CLMP: variants seen among roughly 807,000 people sequenced by gnomAD.
CLMP encodes the protein CXADR like cell adhesion molecule.
CLMP carries 27 observed loss-of-function variants against 45.2 expected under a neutral mutation model. The ratio of observed to expected loss-of-function variants is 0.60; its 90% CI spans 0.44 to 0.82. The LOEUF is 0.82. Among genes scored for constraint, CLMP ranks in the 40% least tolerant of loss-of-function variants. The probability of loss-of-function intolerance (pLI) is 0.00; values close to 1 mark genes in which losing one functional copy is unlikely to be tolerated. For missense variants in CLMP, 403 were observed against 448.4 expected (o/e 0.90, Z 0.91); for synonymous variants, 167 against 171.4 (o/e 0.97, Z 0.20).
intron 1 of CLMP, among the ~76,000 whole-genome samples, chr11:123,137,177 G>T (rs1591473193): frequency 2.2e-5 from 2 of 92,990 alleles, no homozygotes; most frequent in African/African-American, 4.1e-5. Context: ...TTTTTGAGAT[G>T]GAGTCTCGCT....
intron 1 of CLMP, among the ~76,000 whole-genome samples, chr11:123,182,216 G>A (rs1591489377): frequency 6.6e-6 from 1 of 152,326 alleles, no homozygotes. Flanking sequence ...TCTGACCCAA[G>A]TTTGCTTTGA....
intron 5 of CLMP, among the ~76,000 whole-genome samples, chr11:123,077,674 T>C (rs1419937156): frequency 6.6e-6 from 1 of 152,188 alleles, no homozygotes; most frequent in Non-Finnish European, 1.5e-5. Flanking sequence ...TTATTTAAGG[T>C]CTCAAAGGAA....
intron 1 of CLMP, among the ~76,000 whole-genome samples, chr11:123,138,934 G>A (rs1861115558): frequency 6.6e-6 from 1 of 152,116 alleles, no homozygotes; most frequent in South Asian, 2.1e-4. Flanking sequence ...GTATTACAGG[G>A]CGTGAGCCAC....
chr11:123,146,733 G>T (rs1861244305), intron 1 of CLMP, among the ~76,000 whole-genome samples: 1 of 151,950 alleles, frequency 6.6e-6, no homozygotes, highest in African/African-American at 2.4e-5. Flanking sequence ...TGGTATCATT[G>T]TCACCCCCAG....
At position 123,130,694 on chromosome 11, in the gene CLMP, G is replaced by T. The variant is rs577119851; in HGVS notation, c.29-32742C>A. On this transcript the variant is annotated intron_variant, in intron 1 of 6. Transcript: ENST00000448775. ...GGGTGAGGGTTGAGCTGTGGAAAAG[G>T]GTTGGGGAAAAAAAAGTAGTTCAGG... Among the ~76,000 whole-genome samples the T allele has an allele frequency of 4.4e-4, 65 of 146,210 alleles. 2 individuals carry two copies. The South Asian group carries it at 0.014, about 31-fold the overall frequency.
At position 123,105,073 on chromosome 11, in the gene CLMP, T is replaced by C. The variant is rs556272090; in HGVS notation, c.29-7121A>G. Among the ~76,000 whole-genome samples, 24 of 152,328 alleles carry C rather than the reference T, an allele frequency of 1.6e-4. No individual in the cohort carries two copies. The South Asian group carries it at 4.8e-3, about 30-fold the overall frequency. ...CAAGCTCTCCCTAAGTGGGAGCTTT[T>C]GCATGCACCTCAGGCACTTATCAAA... On this transcript the variant is annotated intron_variant, in intron 1 of 6. Transcript: ENST00000448775.
chr11:123,118,568 C>G (rs1860748337), intron 1 of CLMP, among the ~76,000 whole-genome samples: 1 of 152,182 alleles, frequency 6.6e-6, no homozygotes, highest in Non-Finnish European at 1.5e-5. Flanking sequence ...CAATTAAAAA[C>G]CTGGACCTCG....
chr11:123,101,348 C>T (rs2135483084), intron 1 of CLMP, among the ~76,000 whole-genome samples: 1 of 152,328 alleles, frequency 6.6e-6, no homozygotes, highest in East Asian at 1.9e-4. Context: ...CTCAGGTGAT[C>T]CGCCTGCCTC....
Position 123,084,680 on chromosome 11 carries a change from T to A in CLMP, c.220A>T (p.Asn74Tyr). The A allele has an allele frequency of 1.2e-6, 2 of 1,614,202 alleles. No individual in the cohort carries two copies. The highest frequency in any genetic ancestry group is 8.5e-7 in the Non-Finnish European group (1 of 1,180,036). ...CGGCCCTTCTGTTCCTCAGTCAAGTTATTGTAGACATGACGACTGGAGTAA... is the reference window on the plus strand; with the variant it reads ...CGGCCCTTCTGTTCCTCAGTCAAGTAATTGTAGACATGACGACTGGAGTAA... ...ITYSSRHVYN[N>Y]LTEEQKGRVA... Residue 74 changes from asparagine to tyrosine, a missense_variant, in exon 3 of 7, where the codon AAC (asparagine) becomes TAC (tyrosine). By Grantham distance (143) the Asn-to-Tyr change is moderately radical. Coordinates refer to ENST00000448775, the MANE Select transcript of CLMP (RefSeq NM_024769.5).
At chr11:123,118,742 T>C (rs533778438) in intron 1 of CLMP, among the ~76,000 whole-genome samples, 5 of 152,230 alleles carry the variant, frequency 3.3e-5, no homozygotes, top group Admixed American at 2.6e-4. Context: ...GGATTTGTAA[T>C]GCCAAGTCAT....
intron 2 of CLMP, among the ~76,000 whole-genome samples, chr11:123,095,167 A>G (rs1017330996): frequency 6.6e-6 from 1 of 152,228 alleles, no homozygotes; most frequent in African/African-American, 2.4e-5. Flanking sequence ...TTTGAAATCA[A>G]TAATTAACAT....
intron 1 of CLMP, among the ~76,000 whole-genome samples, chr11:123,177,100 G>A (rs1433461268): frequency 1.3e-5 from 2 of 152,168 alleles, no homozygotes; most frequent in African/African-American, 4.8e-5. Context: ...AGAGCTTAGA[G>A]TAGACAGAGA....
chr11:123,080,326 CTTTTTT>C (rs35892566), intron 5 of CLMP, among the ~76,000 whole-genome samples: 1 of 136,280 alleles, frequency 7.3e-6, no homozygotes. Flanking sequence ...TGAAGGTGTA[CTTTTTT>C]TTTTTTTTTT....
chr11:123,137,246 C>T (rs1861089238), intron 1 of CLMP, among the ~76,000 whole-genome samples: 1 of 148,582 alleles, frequency 6.7e-6, no homozygotes, highest in South Asian at 2.2e-4. Flanking sequence ...CTCCGCCTCC[C>T]GGGTTCACGC....
intron 1 of CLMP, among the ~76,000 whole-genome samples, chr11:123,151,332 C>T (rs1861335151): frequency 1.3e-5 from 2 of 152,214 alleles, no homozygotes; most frequent in African/African-American, 4.8e-5. Flanking sequence ...GTATTCGGTC[C>T]TGGCTTTAAG....
chr11:123,142,621 C>CTTTT (rs71057336), intron 1 of CLMP, among the ~76,000 whole-genome samples: 5,010 of 123,006 alleles, frequency 0.041, 279 homozygotes, highest in East Asian at 0.17. Context: ...GATGAGGTTT[C>CTTTT]TTTTTTTTTT....
At chr11:123,136,484 C>G (rs918340288) in intron 1 of CLMP, 8 of 342,636 alleles carry the variant, frequency 2.3e-5, no homozygotes, top group Non-Finnish European at 4.2e-5. Context: ...AAGGGCCGCT[C>G]TAGGCCAAGA....
At chr11:123,181,823 G>A (rs1373295790) in intron 1 of CLMP, among the ~76,000 whole-genome samples, 1 of 152,216 alleles carries the variant, frequency 6.6e-6, no homozygotes, top group Non-Finnish European at 1.5e-5. Flanking sequence ...TGTTGTCTGG[G>A]TGGGATTAAT....
intron 5 of CLMP, among the ~76,000 whole-genome samples, chr11:123,079,715 G>A (rs1865779462): frequency 6.6e-6 from 1 of 152,236 alleles, no homozygotes; most frequent in Non-Finnish European, 1.5e-5. Flanking sequence ...AAAGTGCTGG[G>A]ATTACAGGCG....
Sources: allele counts gnomAD v4.1 joint callset (sites outside exome capture counted in the v4.1 genomes callset), GRCh38; gene constraint gnomAD v4.1.1; transcripts MANE v1.5; gene names NCBI Gene and HGNC (gene_info 2026-07-23, HGNC 2026-07-21).